Variants in ASTN2 observed in about 807,000 individuals in gnomAD.
ASTN2 encodes the protein astrotactin 2.
A neutral mutation model predicts 139.8 loss-of-function variants in ASTN2; 54 were observed. The observed-to-expected ratio is 0.39, with a 90% CI of 0.31 to 0.48. ASTN2 has a LOEUF of 0.48. Among genes scored for constraint, ASTN2 ranks in the 20% least tolerant of loss-of-function variants. The pLI is 0.95. For missense variants in ASTN2, 1,565 were observed against 1,725.1 expected, an observed-to-expected ratio of 0.91 and a Z score of 1.64; for synonymous variants, 756 against 719.5, an observed-to-expected ratio of 1.05 and a Z score of -0.81.
At chr9:116,785,147 T>C (rs1031438357) in intron 13 of ASTN2, among the ~76,000 whole-genome samples, 14 of 152,108 alleles carry the variant, frequency 9.2e-5, no homozygotes, top group African/African-American at 3.4e-4. Context: ...TAGAACTGAA[T>C]GCGTTTGGAC....
At chr9:116,829,623 T>A (rs755073586) in intron 11 of ASTN2, among the ~76,000 whole-genome samples, 1 of 152,044 alleles carries the variant, frequency 6.6e-6, no homozygotes, top group African/African-American at 2.4e-5. Context: ...AAATGAGAAG[T>A]GTTACACACT....
chr9:117,304,326 C>T lies in ASTN2; in HGVS notation c.443-12813G>A, dbSNP rs547391080. Among the ~76,000 whole-genome samples, 16 of 152,286 alleles carry T rather than the reference C, an allele frequency of 1.1e-4. No homozygotes were observed. In the South Asian group the frequency reaches 1.5e-3, roughly 14 times the overall value. On this transcript the variant is annotated intron_variant, in intron 1 of 22. Transcript: ENST00000313400. ...GGGCTTTCCTGCTCTGTGCGTGTCA[C>T]GCTATATGTAATCATTGCTTCAGTT... is the stretch of plus-strand genomic sequence containing the variant.
chr9:117,192,614 G>T (rs991982637), intron 3 of ASTN2, among the ~76,000 whole-genome samples: 5 of 152,194 alleles, frequency 3.3e-5, no homozygotes, highest in Non-Finnish European at 5.9e-5. Context: ...TGTCTACCTA[G>T]TCTTGTTTGA....
chr9:116,804,254 A>C (rs10983355), intron 13 of ASTN2, among the ~76,000 whole-genome samples: 32,961 of 151,998 alleles, frequency 0.22, 4,019 homozygotes, highest in Middle Eastern at 0.31. Context: ...AGTCAGCTGG[A>C]GTTACATCTG....
At chr9:116,458,391 T>G (rs909827432) in intron 20 of ASTN2, among the ~76,000 whole-genome samples, 1 of 151,742 alleles carries the variant, frequency 6.6e-6, no homozygotes, top group South Asian at 2.1e-4. Context: ...CACAAAGAAA[T>G]AATAAATGCT....
At chr9:117,021,959 T>C (rs1837897076) in intron 6 of ASTN2, among the ~76,000 whole-genome samples, 1 of 152,172 alleles carries the variant, frequency 6.6e-6, no homozygotes. Context: ...CTTGTTCAAA[T>C]ACAGTTTCGC....
chr9:117,161,213 T>A (rs1588029174), intron 3 of ASTN2, among the ~76,000 whole-genome samples: 1 of 152,098 alleles, frequency 6.6e-6, no homozygotes, highest in African/African-American at 2.4e-5. Flanking sequence ...GTGGTAATGA[T>A]GATTAGCATT....
At chr9:117,403,965 T>C (rs1830911431) in intron 1 of ASTN2, among the ~76,000 whole-genome samples, 1 of 151,054 alleles carries the variant, frequency 6.6e-6, no homozygotes, top group African/African-American at 2.4e-5. Context: ...CATGAGGGAG[T>C]GGAAAGAGGG....
At chr9:116,581,837 A>C (rs549248919) in intron 19 of ASTN2, 1 of 152,344 alleles carries the variant, frequency 6.6e-6, no homozygotes, top group Admixed American at 6.5e-5. Flanking sequence ...TAGGAGTTTA[A>C]GTTTATTCAG....
At chr9:117,028,468 T>C (rs1358658248) in intron 6 of ASTN2, among the ~76,000 whole-genome samples, 34 of 152,172 alleles carry the variant, frequency 2.2e-4, no homozygotes. Flanking sequence ...CATCTTATCC[T>C]TTCCCATGTG....
At chr9:116,504,557 G>T (rs192633997) in intron 19 of ASTN2, among the ~76,000 whole-genome samples, 50 of 152,166 alleles carry the variant, frequency 3.3e-4, no homozygotes, top group African/African-American at 1.1e-3. Context: ...ACTACTGCTT[G>T]TATTTCTATC....
chr9:116,811,681 G>T (rs1831171587), intron 12 of ASTN2, among the ~76,000 whole-genome samples: 1 of 152,156 alleles, frequency 6.6e-6, no homozygotes, highest in South Asian at 2.1e-4. Flanking sequence ...TCCTTATCAT[G>T]GGGATGTGAA....
intron 2 of ASTN2, among the ~76,000 whole-genome samples, chr9:117,225,019 A>G (rs1199188736): frequency 6.6e-6 from 1 of 152,206 alleles, no homozygotes; most frequent in East Asian, 1.9e-4. Context: ...GACACTGAGT[A>G]GCCCTCATTA....
At chr9:116,899,864 A>AT (rs1039055647) in intron 10 of ASTN2, among the ~76,000 whole-genome samples, 3 of 152,060 alleles carry the variant, frequency 2.0e-5, no homozygotes, top group African/African-American at 7.2e-5. Flanking sequence ...TATTTGAGGT[A>AT]TTTTTTCACA....
chr9:116,873,789 C>T (rs771882047), intron 10 of ASTN2, among the ~76,000 whole-genome samples: 7 of 152,104 alleles, frequency 4.6e-5, no homozygotes, highest in African/African-American at 1.2e-4. Flanking sequence ...TGAATTCTCA[C>T]GAGATCTGGT....
At chr9:116,964,248 T>G in intron 10 of ASTN2, among the ~76,000 whole-genome samples, 1 of 135,334 alleles carries the variant, frequency 7.4e-6, no homozygotes, top group South Asian at 2.3e-4. Flanking sequence ...TGTGTGTGTG[T>G]GTGTGTGTGC....
intron 7 of ASTN2, among the ~76,000 whole-genome samples, chr9:116,979,497 G>A (rs547007419): frequency 6.6e-5 from 10 of 152,256 alleles, no homozygotes; most frequent in Non-Finnish European, 1.0e-4. Flanking sequence ...GAATGTGGAT[G>A]TAAATAATTT....
intron 4 of ASTN2, among the ~76,000 whole-genome samples, chr9:117,127,836 A>G (rs968127721): frequency 4.0e-5 from 6 of 151,414 alleles, no homozygotes; most frequent in African/African-American, 1.5e-4. Flanking sequence ...GCCCGCCACC[A>G]CGCCCACCTA....
At chr9:116,855,034 C>T (rs546202268) in intron 11 of ASTN2, among the ~76,000 whole-genome samples, 1 of 152,172 alleles carries the variant, frequency 6.6e-6, no homozygotes, top group African/African-American at 2.4e-5. Context: ...GGGGCTGCTT[C>T]CTGACTTTAA....
Sources: gnomAD v4.1 joint callset for allele counts (sites outside exome capture counted in the v4.1 genomes callset) on GRCh38, gnomAD v4.1.1 for gene constraint, MANE v1.5 for transcripts, NCBI Gene and HGNC (gene_info 2026-07-23, HGNC 2026-07-21) for gene names.